The following REV1 variants were observed in gnomAD, a reference collection of about 807,000 sequenced individuals.
REV1 encodes the protein REV1 DNA directed polymerase.
In REV1, 42 loss-of-function variants were observed where a neutral mutation model predicts 137.4. The observed-to-expected ratio is 0.31, with a 90% CI of 0.24 to 0.40. REV1 has a LOEUF of 0.40. REV1 is among the 10% of genes least tolerant of loss of function. The pLI is 1.00. For synonymous variants in REV1, 524 were observed against 519.2 expected, an observed-to-expected ratio of 1.01 and a Z score of -0.12; for missense variants, 1,282 against 1,490.1, an observed-to-expected ratio of 0.86 and a Z score of 2.30.
At chr2:99,430,419 G>T (rs1679968519) in intron 8 of REV1, among the ~76,000 whole-genome samples, 1 of 151,950 alleles carries the variant, frequency 6.6e-6, no homozygotes, top group South Asian at 2.1e-4. Context: ...TAACTAACGG[G>T]TACAACAAAC....
At chr2:99,481,114 G>C (rs1686557276) in intron 1 of REV1, among the ~76,000 whole-genome samples, 3 of 152,182 alleles carry the variant, frequency 2.0e-5, no homozygotes, top group Non-Finnish European at 4.4e-5. Flanking sequence ...TTAAGTTACT[G>C]AAACATTTTA....
chr2:99,443,553 T>A (rs755617527), intron 4 of REV1, among the ~76,000 whole-genome samples: 1 of 152,176 alleles, frequency 6.6e-6, no homozygotes. Context: ...CGGAACTATA[T>A]ATGATACAGA....
intron 4 of REV1, among the ~76,000 whole-genome samples, chr2:99,442,921 AG>A (rs1332810168): frequency 6.6e-6 from 1 of 152,226 alleles, no homozygotes; most frequent in Non-Finnish European, 1.5e-5. Flanking sequence ...TTAAGAGCCA[AG>A]GCCATTTGAA....
intron 9 of REV1, among the ~76,000 whole-genome samples, chr2:99,428,634 T>C (rs1332987355): frequency 2.0e-5 from 3 of 152,186 alleles, no homozygotes; most frequent in Non-Finnish European, 4.4e-5. Flanking sequence ...GATTAGACGA[T>C]GCTGAGCTCA....
intron 3 of REV1, among the ~76,000 whole-genome samples, chr2:99,460,715 C>A (rs1304515559): frequency 6.6e-6 from 1 of 151,822 alleles, no homozygotes; most frequent in Non-Finnish European, 1.5e-5. Flanking sequence ...CGGTGAAATT[C>A]AGCATAATGG....
intron 1 of REV1, among the ~76,000 whole-genome samples, chr2:99,489,060 T>G (rs1439131299): frequency 6.6e-6 from 1 of 152,116 alleles, no homozygotes; most frequent in Non-Finnish European, 1.5e-5. Context: ...CTTTACAAAC[T>G]GAGAATAGGT....
chr2:99,447,405 C>T (rs1682362265), intron 4 of REV1, among the ~76,000 whole-genome samples: 1 of 152,124 alleles, frequency 6.6e-6, no homozygotes, highest in Non-Finnish European at 1.5e-5. Context: ...CTCTTGACCT[C>T]GTGATCTGCC....
intron 1 of REV1, among the ~76,000 whole-genome samples, chr2:99,470,627 C>G (rs28745278): frequency 6.6e-6 from 1 of 152,154 alleles, no homozygotes; most frequent in African/African-American, 2.4e-5. Flanking sequence ...GTGTTTTTAC[C>G]TTTCTCTACA....
rs1173933915 is a variant in REV1 at position 99,403,689 on chromosome 2, G to C, written c.3166+6C>G. The C allele has an allele frequency of 1.2e-6, 2 of 1,613,936 alleles. No homozygotes were observed. The highest frequency in any genetic ancestry group is 4.5e-5 in the East Asian group (2 of 44,896). On this transcript the variant is annotated splice_donor_region_variant and intron_variant, in intron 19 of 22. Coordinates refer to ENST00000258428, the MANE Select transcript of REV1 (RefSeq NM_016316.4). ...ATTTTTGTTACATGCCACTTCCAAG[G>C]CTCACCAGATGCGCTGGCTGACTGC...
At chr2:99,433,081 T>C (rs1271893707) in intron 8 of REV1, among the ~76,000 whole-genome samples, 1 of 152,222 alleles carries the variant, frequency 6.6e-6, no homozygotes, top group Non-Finnish European at 1.5e-5. Flanking sequence ...ATTTCATAAA[T>C]GCCTAATATA....
At chr2:99,403,305 T>A (rs902387306) in intron 19 of REV1, 199 bp from the exon 20 acceptor site, 1 of 593,436 alleles carries the variant, frequency 1.7e-6, no homozygotes. Context: ...TGCCACTTAC[T>A]AATTTGACCT....
chr2:99,464,685 T>C (rs1684605148), intron 2 of REV1, among the ~76,000 whole-genome samples: 1 of 152,208 alleles, frequency 6.6e-6, no homozygotes, highest in Non-Finnish European at 1.5e-5. Flanking sequence ...AAAATCATCA[T>C]ATAGTAAATT....
At position 99,402,946 on chromosome 2, in the gene REV1, G is replaced by A. The variant is rs142284140; in HGVS notation, c.3327C>T (p.Pro1109=). 65 of 1,614,052 alleles carry A rather than the reference G, an allele frequency of 4.0e-5. No individual in the cohort carries two copies. In the African/African-American group the frequency reaches 8.0e-4, roughly 20 times the overall value. The change falls in exon 20 of 23, where the codon CCC becomes CCT. Residue 1109 remains proline (P), a synonymous_variant. Transcript: ENST00000258428. ...AKTLPGACGS[P]QKLIDGFLKH... ...TTAGAAACCCATCAATTAACTTCTG[G>A]GGACTGCCACAGGCCCCTGGCAGAG...
At chr2:99,403,251 T>C in intron 19 of REV1, 145 bp from the exon 20 acceptor site, 1 of 666,890 alleles carries the variant, frequency 1.5e-6, no homozygotes, top group East Asian at 2.7e-5. Context: ...AGGCAGTGAA[T>C]GGCAATGGCC....
intron 19 of REV1, 147 bp from the exon 20 acceptor site, chr2:99,403,253 G>A: frequency 1.5e-6 from 1 of 658,220 alleles, no homozygotes; most frequent in Non-Finnish European, 2.5e-6. Flanking sequence ...GCAGTGAATG[G>A]CAATGGCCCA....
intron 12 of REV1, 149 bp from the exon 13 acceptor site, chr2:99,413,100 A>C: frequency 1.5e-6 from 1 of 645,288 alleles, no homozygotes; most frequent in Non-Finnish European, 2.7e-6. Context: ...CCACAGGCTG[A>C]AGAATTTTTT....
At chr2:99,434,265 T>G (rs1478041260) in intron 8 of REV1, 67 bp downstream of exon 8, 7 of 1,004,858 alleles carry the variant, frequency 7.0e-6, no homozygotes, top group South Asian at 5.3e-5. Flanking sequence ...TTAACAACCA[T>G]GCCAAATAGC....
At chr2:99,417,594 A>AG (rs974659908) in intron 12 of REV1, among the ~76,000 whole-genome samples, 4 of 152,208 alleles carry the variant, frequency 2.6e-5, no homozygotes, top group Non-Finnish European at 5.9e-5. Context: ...GTGAAGACAC[A>AG]GGGAGAGGAG....
At chr2:99,429,500 A>C (rs1407509715) in intron 9 of REV1, among the ~76,000 whole-genome samples, 1 of 152,228 alleles carries the variant, frequency 6.6e-6, no homozygotes, top group African/African-American at 2.4e-5. Context: ...TAAAAACAAA[A>C]GATTAGAGGG....
Sources: gnomAD v4.1 joint callset for allele counts (sites outside exome capture counted in the v4.1 genomes callset) on GRCh38, gnomAD v4.1.1 for gene constraint, MANE v1.5 for transcripts, NCBI Gene and HGNC (gene_info 2026-07-23, HGNC 2026-07-21) for gene names.